Variants in A1CF observed in about 807,000 individuals in gnomAD.
A1CF encodes APOBEC-1 stimulating protein.
A neutral mutation model predicts 68.9 loss-of-function variants in A1CF; 48 were observed. The observed-to-expected ratio is 0.70, with a 90% CI of 0.55 to 0.89. The LOEUF is 0.89. A1CF is among the 40% of genes least tolerant of loss of function. The pLI, the probability that A1CF is intolerant of heterozygous loss-of-function variation, is 0.00. For missense variants in A1CF, 653 were observed against 718.9 expected (o/e 0.91, Z 1.05); for synonymous variants, 272 against 260.4 (o/e 1.04, Z -0.43).
intron 3 of A1CF, among the ~76,000 whole-genome samples, chr10:50,858,538 T>C (rs184613190): frequency 6.6e-6 from 1 of 152,236 alleles, no homozygotes; most frequent in Non-Finnish European, 1.5e-5. Flanking sequence ...TTATGGGTCA[T>C]TAGAAATACA....
At chr10:50,834,103 C>A (rs370634437) in intron 6 of A1CF, among the ~76,000 whole-genome samples, 8 of 152,170 alleles carry the variant, frequency 5.3e-5, no homozygotes, top group African/African-American at 1.7e-4. Flanking sequence ...AAAAGGAGTT[C>A]CTTCGGTGGG....
intron 4 of A1CF, 139 bp downstream of exon 4, chr10:50,843,849 A>C (rs1398794202): frequency 9.4e-7 from 1 of 1,059,422 alleles, no homozygotes; most frequent in Non-Finnish European, 1.4e-6. Flanking sequence ...AATCACTAGA[A>C]ACTTTGTCTA....
intron 6 of A1CF, among the ~76,000 whole-genome samples, chr10:50,831,236 A>G (rs989779186): frequency 3.9e-5 from 6 of 152,246 alleles, no homozygotes; most frequent in African/African-American, 1.2e-4. Context: ...AAGCACAGAC[A>G]ACAAAAGCAA....
intron 1 of A1CF, among the ~76,000 whole-genome samples, chr10:50,877,317 T>C (rs1589051760): frequency 6.6e-6 from 1 of 152,238 alleles, no homozygotes; most frequent in South Asian, 2.1e-4. Flanking sequence ...ATTTCATTCA[T>C]TCATACTTCT....
At chr10:50,877,819 G>A (rs148562549) in intron 1 of A1CF, among the ~76,000 whole-genome samples, 118 of 152,284 alleles carry the variant, frequency 7.7e-4, no homozygotes, top group African/African-American at 2.5e-3. Flanking sequence ...GAGTGTCTCT[G>A]TCTTAGAAAA....
At chr10:50,814,109 C>T (rs1338662020) in intron 9 of A1CF, 71 bp from the exon 10 acceptor site, 3 of 1,555,476 alleles carry the variant, frequency 1.9e-6, no homozygotes, top group Non-Finnish European at 2.6e-6. Flanking sequence ...ACCAGAAAAT[C>T]ACCCTGAATC....
intron 3 of A1CF, among the ~76,000 whole-genome samples, chr10:50,847,668 G>T (rs1278661974): frequency 6.6e-6 from 1 of 152,164 alleles, no homozygotes; most frequent in East Asian, 1.9e-4. Flanking sequence ...ACTTAAAAAT[G>T]ACAGATACTT....
chr10:50,812,184 T>C (rs1042489549), intron 10 of A1CF, among the ~76,000 whole-genome samples: 4 of 152,186 alleles, frequency 2.6e-5, no homozygotes, highest in Non-Finnish European at 5.9e-5. Flanking sequence ...ATAAAGGAGC[T>C]TTTGCTGGTA....
rs1837560823 is a variant in A1CF at position 50,800,624 on chromosome 10, T to A, written c.*6105A>T. 6.6e-6 allele frequency: 1 copy of A among 152,176 alleles called. No homozygotes were observed. Among genetic ancestry groups the A allele is most frequent in the Non-Finnish European group, 1.5e-5 (1 of 68,028 alleles). 9.4% of individuals were successfully genotyped at this position (152,176 alleles called of 1,614,324 possible). On this transcript the variant is annotated 3_prime_UTR_variant, in exon 13 of 13. Transcript: ENST00000373997. ...GTGCATAGTAAACACAGGCTGATCA[T>A]ATATTCTCTGAAGAATAGATTTGAG...
At chr10:50,867,046 T>C (rs1410943331) in intron 1 of A1CF, among the ~76,000 whole-genome samples, 1 of 150,220 alleles carries the variant, frequency 6.7e-6, no homozygotes, top group East Asian at 2.0e-4. Context: ...GTCTTTCAAA[T>C]GGTAAATTGG....
chr10:50,861,027 T>C (rs1564527191), intron 2 of A1CF, among the ~76,000 whole-genome samples: 2 of 152,196 alleles, frequency 1.3e-5, no homozygotes, highest in South Asian at 4.1e-4. Context: ...TGTATTTGAA[T>C]ATAGGTACTT....
chr10:50,862,926 T>A (rs920145753), intron 2 of A1CF: 1 of 152,224 alleles, frequency 6.6e-6, no homozygotes, highest in Non-Finnish European at 1.5e-5. Flanking sequence ...CTGGCCAAGT[T>A]GTAGATTTGT....
intron 3 of A1CF, chr10:50,850,955 G>A (rs1840214703): frequency 1.2e-6 from 1 of 822,964 alleles, no homozygotes; most frequent in Non-Finnish European, 1.8e-6. Flanking sequence ...TATTATTATG[G>A]CCGCTAGATC....
intron 8 of A1CF, 36 bp from the exon 9 acceptor site, chr10:50,816,315 G>T: frequency 1.2e-6 from 2 of 1,600,484 alleles, no homozygotes; most frequent in Non-Finnish European, 1.7e-6. Context: ...AACGCGAGAT[G>T]ATATGAAGAT....
At chr10:50,841,764 T>G in intron 5 of A1CF, 98 bp downstream of exon 5, 1 of 1,245,058 alleles carries the variant, frequency 8.0e-7, no homozygotes, top group Non-Finnish European at 1.1e-6. Context: ...CTGGCTTGGC[T>G]TTTTTTTTGG....
At chr10:50,861,219 AATTACT>A (rs1369701524) in intron 2 of A1CF, among the ~76,000 whole-genome samples, 1 of 151,768 alleles carries the variant, frequency 6.6e-6, no homozygotes, top group East Asian at 1.9e-4. Flanking sequence ...CTATTACTAA[AATTACT>A]ATTACTTGAA....
chr10:50,877,083 A>T (rs991341454), intron 1 of A1CF, among the ~76,000 whole-genome samples: 3 of 152,194 alleles, frequency 2.0e-5, no homozygotes, highest in Non-Finnish European at 4.4e-5. Flanking sequence ...TGGGGAAGAG[A>T]GTTGACAGAA....
intron 1 of A1CF, among the ~76,000 whole-genome samples, chr10:50,873,076 C>T (rs1312530103): frequency 6.7e-6 from 1 of 150,230 alleles, no homozygotes; most frequent in African/African-American, 2.4e-5. Context: ...CTGCCTCAGC[C>T]TCCCAAGTAG....
At position 50,836,240 on chromosome 10, in the gene A1CF, G is replaced by T. The variant is rs768327288; in HGVS notation, c.438C>A (p.Thr146=). Reference sequence around the variant, plus strand: ...CCGATAAGATTTCTTCTCTCTTTTTGGTTTTTGGGATGCCCCCAACAAATA... The same window carrying T: ...CCGATAAGATTTCTTCTCTCTTTTTTGTTTTTGGGATGCCCCCAACAAATA... The part of the protein sequence containing the change: ...CRLFVGGIPK[T]KKREEILSEM... The change falls in exon 6 of 13, where the codon ACC becomes ACA. Residue 146 remains threonine, a synonymous_variant. Transcript: ENST00000373997. The T allele has an allele frequency of 6.2e-7, 1 of 1,613,840 alleles. No individual in the cohort carries two copies. The highest frequency in any genetic ancestry group is 8.5e-7 in the Non-Finnish European group (1 of 1,179,856).
Sources: gnomAD v4.1 joint callset for allele counts (sites outside exome capture counted in the v4.1 genomes callset) on GRCh38, gnomAD v4.1.1 for gene constraint, MANE v1.5 for transcripts, NCBI Gene and HGNC (gene_info 2026-07-23, HGNC 2026-07-21) for gene names.